The following TPO variants were observed in gnomAD, a reference collection of about 807,000 sequenced individuals.
TPO encodes thyroid peroxidase.
TPO carries 78 observed loss-of-function variants against 96.9 expected under a neutral mutation model. The observed-to-expected ratio is 0.81, with a 90% CI of 0.67 to 0.97. The LOEUF (loss-of-function observed/expected upper bound fraction) is 0.97, where lower values mean the gene tolerates loss of function less well. Among genes scored for constraint, TPO ranks in the 50% least tolerant of loss-of-function variants. TPO has a pLI of 0.00. For synonymous variants in TPO, 547 were observed against 538.0 expected (o/e 1.02, Z -0.23); for missense variants, 1,252 against 1,274.8 (o/e 0.98, Z 0.27).
intron 15 of TPO, among the ~76,000 whole-genome samples, chr2:1,540,393 C>T (rs1680593625): frequency 6.7e-6 from 1 of 150,210 alleles, no homozygotes; most frequent in African/African-American, 2.5e-5. Flanking sequence ...AATCATTTTT[C>T]CTATGAAGAG....
At chr2:1,442,129 G>A (rs1476967115) in intron 5 of TPO, among the ~76,000 whole-genome samples, 1 of 152,206 alleles carries the variant, frequency 6.6e-6, no homozygotes, top group Non-Finnish European at 1.5e-5. Context: ...TGATTGTGAG[G>A]CCTCCACGTG....
At chr2:1,451,367 G>A (rs28909395) in intron 5 of TPO, among the ~76,000 whole-genome samples, 46,376 of 152,178 alleles carry the variant, frequency 0.3, 7,560 homozygotes, top group Admixed American at 0.35. Flanking sequence ...CCATAAAGGC[G>A]ATGGTAATTT....
At chr2:1,405,034 C>T (rs1300504209) in intron 1 of TPO, among the ~76,000 whole-genome samples, 3 of 151,872 alleles carry the variant, frequency 2.0e-5, no homozygotes, top group African/African-American at 7.3e-5. Flanking sequence ...CCTTTATTCA[C>T]TCATCCATGC....
intron 5 of TPO, among the ~76,000 whole-genome samples, chr2:1,443,171 A>G (rs7591179): frequency 0.85 from 129,838 of 152,156 alleles, 55,679 homozygotes; most frequent in South Asian, 0.93. Flanking sequence ...GAATGGAGCC[A>G]GCTCCTTCTT....
chr2:1,496,979 C>G (rs1406392660), intron 13 of TPO, among the ~76,000 whole-genome samples: 1 of 152,086 alleles, frequency 6.6e-6, no homozygotes, highest in Non-Finnish European at 1.5e-5. Flanking sequence ...AGGACAGGCA[C>G]GTGGAATCGT....
intron 5 of TPO, among the ~76,000 whole-genome samples, chr2:1,442,075 G>A (rs762902356): frequency 3.9e-5 from 6 of 152,156 alleles, no homozygotes; most frequent in African/African-American, 9.7e-5. Context: ...TCTGCCTGCC[G>A]CCATCCATGT....
At chr2:1,521,668 G>C (rs1675281866) in intron 15 of TPO, among the ~76,000 whole-genome samples, 1 of 152,104 alleles carries the variant, frequency 6.6e-6, no homozygotes, top group South Asian at 2.1e-4. Context: ...GACAGACGTA[G>C]AGTGGCCAGC....
In TPO at chr2:1,484,577, G is replaced by T. The variant is rs1200134513; in HGVS notation, c.1339-19G>T. The T allele has an allele frequency of 6.2e-7, 1 of 1,613,996 alleles. No individual in the cohort carries two copies. Among genetic ancestry groups the T allele is most frequent in the Non-Finnish European group, 8.5e-7 (1 of 1,180,006 alleles). ...CTGGTATCCTGGGCCTCACTGAGAT[G>T]CTTTTCCTATCTGCACAGATCATCA... On this transcript the variant is annotated intron_variant, in intron 8 of 16. Transcript: ENST00000329066.
At chr2:1,453,976 T>C (rs888491844) in intron 6 of TPO, among the ~76,000 whole-genome samples, 153 bp downstream of exon 6, 8 of 152,220 alleles carry the variant, frequency 5.3e-5, no homozygotes, top group African/African-American at 1.9e-4. Context: ...GCAATCACTG[T>C]TTCTGCCCTA....
chr2:1,451,492 T>C (rs1464086), intron 5 of TPO, among the ~76,000 whole-genome samples: 141,435 of 152,264 alleles, frequency 0.93, 65,766 homozygotes, highest in South Asian at 0.98. Flanking sequence ...TTTTTAAGTG[T>C]GTACATATCA....
chr2:1,375,589 G>T (rs772954092), intron 1 of TPO, among the ~76,000 whole-genome samples: 1 of 152,064 alleles, frequency 6.6e-6, no homozygotes, highest in African/African-American at 2.4e-5. Context: ...TTTTACACAC[G>T]ATAAGGTAAG....
At chr2:1,499,570 G>A (rs752095832) in intron 13 of TPO, among the ~76,000 whole-genome samples, 4 of 151,276 alleles carry the variant, frequency 2.6e-5, no homozygotes, top group Non-Finnish European at 4.4e-5. Context: ...TCACACCTGC[G>A]GCGTCTGGGG....
rs116663758 is a variant in TPO, at chr2:1,394,178, C to G, written n.180+19776C>G. Among the ~76,000 whole-genome samples the G allele has an allele frequency of 3.0e-3, 457 of 152,318 alleles. 4 individuals carry two copies. Among genetic ancestry groups the G allele is most frequent in the Middle Eastern group, 6.8e-3 (2 of 294 alleles). On this transcript the variant is annotated intron_variant and non_coding_transcript_variant, in intron 1 of 5. Coordinates refer to the TPO transcript ENST00000497517. ...CATTTAGCACGATATGGAGTTGTCC[C>G]AGGCTTGAAGACTGTGAATACGGTG...
At chr2:1,455,400 C>A (rs899599822) in intron 6 of TPO, among the ~76,000 whole-genome samples, 2 of 152,158 alleles carry the variant, frequency 1.3e-5, no homozygotes, top group African/African-American at 4.8e-5. Flanking sequence ...CATGACGGCA[C>A]CAACTCTAGG....
intron 6 of TPO, among the ~76,000 whole-genome samples, chr2:1,454,979 G>C (rs1052936363): frequency 1.3e-5 from 2 of 152,154 alleles, no homozygotes; most frequent in African/African-American, 4.8e-5. Flanking sequence ...TGAAATCAAG[G>C]TGTTGCAGAG....
intron 7 of TPO, among the ~76,000 whole-genome samples, chr2:1,461,583 C>A (rs908249010): frequency 6.6e-6 from 1 of 152,148 alleles, no homozygotes; most frequent in Admixed American, 6.5e-5. Context: ...GGGCCCCCTG[C>A]CCCACCGGGC....
chr2:1,409,165 G>T (rs536309541), upstream of TPO, among the ~76,000 whole-genome samples: 2 of 152,084 alleles, frequency 1.3e-5, no homozygotes, highest in Non-Finnish European at 2.9e-5. Context: ...GAGGAGCCTC[G>T]CACGGGGACG....
At chr2:1,390,097 G>T (rs1482064882) in intron 1 of TPO, among the ~76,000 whole-genome samples, 1 of 151,112 alleles carries the variant, frequency 6.6e-6, no homozygotes, top group Non-Finnish European at 1.5e-5. Flanking sequence ...GTGTACATGT[G>T]CCATGTTCGT....
intron 5 of TPO, among the ~76,000 whole-genome samples, chr2:1,437,837 G>C (rs1363393293): frequency 1.4e-5 from 2 of 142,784 alleles, no homozygotes; most frequent in Non-Finnish European, 3.0e-5. Context: ...CTGAAGCCTG[G>C]GGGGGGGTCT....
Sources: allele counts gnomAD v4.1 joint callset (sites outside exome capture counted in the v4.1 genomes callset), GRCh38; gene constraint gnomAD v4.1.1; transcripts MANE v1.5; gene names NCBI Gene and HGNC (gene_info 2026-07-23, HGNC 2026-07-21).